The following TASP1 variants were observed in gnomAD, a reference collection of about 807,000 sequenced individuals.
TASP1 encodes taspase 1.
Under a neutral mutation model 56.6 loss-of-function variants are expected in TASP1, and 16 were observed. That is an observed-to-expected ratio of 0.28 (90% CI 0.19 to 0.43). The LOEUF (loss-of-function observed/expected upper bound fraction) is 0.43, where lower values mean the gene tolerates loss of function less well. Ranked by LOEUF, TASP1 falls within the 20% of genes least tolerant of loss-of-function variation. TASP1 has a pLI of 1.00. For synonymous variants in TASP1, 179 were observed against 184.2 expected, an observed-to-expected ratio of 0.97 and a Z score of 0.23; for missense variants, 393 against 511.6, an observed-to-expected ratio of 0.77 and a Z score of 2.24.
At chr20:13,227,033 T>C in the TASP1 span, among the ~76,000 whole-genome samples, 1 of 152,232 alleles carries the variant, frequency 6.6e-6, no homozygotes, top group South Asian at 2.1e-4. Context: ...GGTGACTGTA[T>C]TTTTATCAAG....
chr20:13,551,920 A>G (rs2045993702), intron 8 of TASP1, among the ~76,000 whole-genome samples: 1 of 152,208 alleles, frequency 6.6e-6, no homozygotes, highest in Non-Finnish European at 1.5e-5. Context: ...GGCCATGGCA[A>G]TTTTGTAAGG....
chr20:13,422,280 G>C (rs1022564568), intron 12 of TASP1, among the ~76,000 whole-genome samples: 1 of 152,066 alleles, frequency 6.6e-6, no homozygotes, highest in Non-Finnish European at 1.5e-5. Context: ...ATAAACACTA[G>C]CCAAGAAGGG....
chr20:13,560,117 T>C (rs531971975), intron 7 of TASP1, among the ~76,000 whole-genome samples: 2 of 152,340 alleles, frequency 1.3e-5, no homozygotes, highest in East Asian at 3.9e-4. Context: ...AAACTTGATA[T>C]ACAAATTTTA....
the TASP1 span, among the ~76,000 whole-genome samples, chr20:13,234,178 C>T: frequency 2.0e-5 from 3 of 152,116 alleles, no homozygotes; most frequent in East Asian, 3.9e-4. Context: ...CGTGTATGCC[C>T]ATTGTTTAGC....
intron 8 of TASP1, among the ~76,000 whole-genome samples, chr20:13,542,707 A>T (rs1213375092): frequency 6.6e-6 from 1 of 152,206 alleles, no homozygotes; most frequent in African/African-American, 2.4e-5. Flanking sequence ...TGGAAATTAA[A>T]AGATTAAAAA....
At chr20:13,194,217 A>T in the TASP1 span, among the ~76,000 whole-genome samples, 1 of 152,160 alleles carries the variant, frequency 6.6e-6, no homozygotes, top group Non-Finnish European at 1.5e-5. Context: ...AACTTGATCT[A>T]CTTTTTTCCT....
chr20:13,435,257 T>C, intron 11 of TASP1, 103 bp from the exon 12 acceptor site: 1 of 856,170 alleles, frequency 1.2e-6, no homozygotes, highest in South Asian at 1.7e-5. Flanking sequence ...AATAAGAAAA[T>C]GCCCATTTTC....
At chr20:13,256,286 T>C in the TASP1 span, among the ~76,000 whole-genome samples, 20 of 151,304 alleles carry the variant, frequency 1.3e-4, no homozygotes, top group African/African-American at 4.6e-4. Flanking sequence ...ATCCCAGCTA[T>C]TCAGGAGGCT....
the TASP1 span, among the ~76,000 whole-genome samples, chr20:13,284,702 G>A: frequency 6.6e-6 from 1 of 152,178 alleles, no homozygotes; most frequent in African/African-American, 2.4e-5. Context: ...AAGCTTCAGG[G>A]GAGTGAGCTC....
chr20:13,435,239 G>A, intron 11 of TASP1, 85 bp from the exon 12 acceptor site: 2 of 1,008,864 alleles, frequency 2.0e-6, no homozygotes, highest in South Asian at 1.6e-5. Context: ...GAACAAAAAT[G>A]TGGCATGAAT....
intron 10 of TASP1, among the ~76,000 whole-genome samples, chr20:13,524,936 C>G (rs940377440): frequency 6.6e-6 from 1 of 152,192 alleles, no homozygotes; most frequent in Non-Finnish European, 1.5e-5. Flanking sequence ...TTAAAAATAA[C>G]TGTACACATA....
At chr20:13,432,475 C>T (rs553016266) in intron 12 of TASP1, among the ~76,000 whole-genome samples, 1 of 152,272 alleles carries the variant, frequency 6.6e-6, no homozygotes, top group African/African-American at 2.4e-5. Flanking sequence ...TCCTATCCTT[C>T]TATACTGTTT....
the TASP1 span, among the ~76,000 whole-genome samples, chr20:13,317,922 TG>T: frequency 0.99 from 150,948 of 152,064 alleles, 74,926 homozygotes; most frequent in East Asian, 1. Context: ...GCACTATCCG[TG>T]GAAAAAAAAG....
At chr20:13,136,637 A>T in the TASP1 span, among the ~76,000 whole-genome samples, 13 of 146,568 alleles carry the variant, frequency 8.9e-5, no homozygotes, top group African/African-American at 2.8e-4. Context: ...TATAAAAATT[A>T]TATACATGTA....
the TASP1 span, among the ~76,000 whole-genome samples, chr20:13,383,767 TA>T: frequency 6.6e-6 from 1 of 152,248 alleles, no homozygotes; most frequent in East Asian, 1.9e-4. Context: ...CACTAGTGAC[TA>T]GCAGCAAGAG....
the TASP1 span, among the ~76,000 whole-genome samples, chr20:13,223,068 CAGG>C: frequency 2.0e-5 from 3 of 151,880 alleles, no homozygotes. Flanking sequence ...GAGGCTGAGG[CAGG>C]AGAATTGCTT....
At chr20:13,429,640 C>T (rs891020110) in intron 12 of TASP1, among the ~76,000 whole-genome samples, 1 of 143,980 alleles carries the variant, frequency 6.9e-6, no homozygotes, top group Non-Finnish European at 1.5e-5. Flanking sequence ...GTGTGTCTGT[C>T]TGTGTGTGTG....
intron 11 of TASP1, among the ~76,000 whole-genome samples, chr20:13,471,524 G>T (rs1298665611): frequency 6.6e-6 from 1 of 152,120 alleles, no homozygotes; most frequent in East Asian, 1.9e-4. Flanking sequence ...CATTTTATCA[G>T]CTATAAAGCC....
intron 13 of TASP1, among the ~76,000 whole-genome samples, chr20:13,390,778 C>T (rs897713722): frequency 4.6e-5 from 7 of 152,122 alleles, no homozygotes. Context: ...AGTTTTAATG[C>T]CAGCTCTATT....
Sources: allele counts gnomAD v4.1 joint callset (sites outside exome capture counted in the v4.1 genomes callset), GRCh38; gene constraint gnomAD v4.1.1; transcripts MANE v1.5; gene names NCBI Gene and HGNC (gene_info 2026-07-23, HGNC 2026-07-21).